Variants in CMSS1 observed in about 807,000 individuals in gnomAD.
The protein encoded by CMSS1 is cms1 ribosomal small subunit homolog.
In CMSS1, 33 loss-of-function variants were observed where a neutral mutation model predicts 43.5. The ratio of observed to expected loss-of-function variants is 0.76; its 90% CI spans 0.57 to 1.01. The LOEUF is 1.01. Ranked by LOEUF, CMSS1 falls within the 50% of genes least tolerant of loss-of-function variation. The pLI is 0.00. For missense variants in CMSS1, 313 were observed against 326.4 expected, an observed-to-expected ratio of 0.96 and a Z score of 0.32; for synonymous variants, 115 against 117.2, an observed-to-expected ratio of 0.98 and a Z score of 0.12.
At chr3:99,895,548 G>A (rs185358833) in intron 1 of CMSS1, among the ~76,000 whole-genome samples, 10 of 152,056 alleles carry the variant, frequency 6.6e-5, no homozygotes, top group Admixed American at 2.6e-4. Flanking sequence ...TATAGTTTAG[G>A]GAACTTAGTT....
chr3:100,172,009 T>C (rs1273616488), intron 7 of CMSS1, 110 bp downstream of exon 7: 1 of 838,548 alleles, frequency 1.2e-6, no homozygotes, highest in Non-Finnish European at 1.9e-6. Context: ...GTTCCTTCCT[T>C]ATGTAACATT....
At chr3:100,042,568 A>T (rs1472316238) in intron 1 of CMSS1, among the ~76,000 whole-genome samples, 3 of 152,356 alleles carry the variant, frequency 2.0e-5, no homozygotes, top group South Asian at 2.1e-4. Flanking sequence ...GGAAATTGGT[A>T]ATCCATGTAT....
At chr3:100,032,111 T>C (rs1050796480) in intron 1 of CMSS1, among the ~76,000 whole-genome samples, 3 of 152,150 alleles carry the variant, frequency 2.0e-5, no homozygotes, top group African/African-American at 7.2e-5. Context: ...CCCTGCCCTA[T>C]GGGAATAAAT....
rs573354912 is a variant in CMSS1 at position 100,150,217 on chromosome 3, G to A, written c.153+3156G>A. 2.6e-4 allele frequency among the ~76,000 whole-genome samples: 39 copies of A among 152,240 alleles called. No homozygotes were observed. In the South Asian group the frequency reaches 5.0e-3, roughly 19 times the overall value. Reference sequence around the variant, plus strand: ...TAGAACTTGAGTCTCCAGCTGGTTCGTAAGTCCCTTGGGGCCAGGGTTTCT... The same window carrying A: ...TAGAACTTGAGTCTCCAGCTGGTTCATAAGTCCCTTGGGGCCAGGGTTTCT... On this transcript the variant is annotated intron_variant, in intron 2 of 9. Transcript: ENST00000421999.
chr3:100,108,208 G>A (rs1027088278), intron 1 of CMSS1, among the ~76,000 whole-genome samples: 8 of 152,098 alleles, frequency 5.3e-5, no homozygotes, highest in African/African-American at 1.7e-4. Context: ...GTGTCTGTGT[G>A]CAATCTAACT....
chr3:99,897,030 C>G (rs1041023309), intron 1 of CMSS1, among the ~76,000 whole-genome samples: 6 of 151,426 alleles, frequency 4.0e-5, no homozygotes, highest in African/African-American at 1.5e-4. Flanking sequence ...ATTTTTTTTT[C>G]TTTCTTTGCA....
chr3:99,937,798 G>A (rs964204497), intron 1 of CMSS1, among the ~76,000 whole-genome samples: 11 of 152,178 alleles, frequency 7.2e-5, no homozygotes, highest in South Asian at 2.1e-4. Context: ...TTAGAAAAAG[G>A]GTACTGAGAA....
intron 1 of CMSS1, among the ~76,000 whole-genome samples, chr3:99,929,282 G>A (rs1425625036): frequency 6.6e-6 from 1 of 152,184 alleles, no homozygotes; most frequent in Non-Finnish European, 1.5e-5. Flanking sequence ...TGCTAGGTAC[G>A]CTTGGTGAGG....
At chr3:100,141,841 A>AATC (rs2066808113) in intron 1 of CMSS1, among the ~76,000 whole-genome samples, 1 of 152,158 alleles carries the variant, frequency 6.6e-6, no homozygotes, top group Non-Finnish European at 1.5e-5. Context: ...TAACTGGCTG[A>AATC]ATCAACCACT....
intron 1 of CMSS1, among the ~76,000 whole-genome samples, chr3:100,109,437 G>C (rs566949443): frequency 6.6e-6 from 1 of 152,270 alleles, no homozygotes; most frequent in African/African-American, 2.4e-5. Context: ...ACATAAAGCA[G>C]TTCCATCACC....
intron 2 of CMSS1, 104 bp downstream of exon 2, chr3:100,147,165 T>C (rs2066859624): frequency 1.6e-6 from 2 of 1,232,272 alleles, no homozygotes. Context: ...GTTGGTGGGA[T>C]TTAAGAGAGC....
At chr3:99,957,693 C>CTTTTTTTTTTTTTTTTTTTTTTTTTTT (rs779350496) in intron 1 of CMSS1, among the ~76,000 whole-genome samples, 572 of 19,894 alleles carry the variant, frequency 0.029, 198 homozygotes, top group Non-Finnish European at 0.044. Flanking sequence ...TTCTTTCTTT[C>CTTTTTTTTTTTTTTTTTTTTTTTTTTT]TTTTTTTTTT....
At chr3:100,135,739 A>G (rs1027994582) in intron 1 of CMSS1, among the ~76,000 whole-genome samples, 6 of 151,728 alleles carry the variant, frequency 4.0e-5, no homozygotes, top group Non-Finnish European at 7.3e-5. Context: ...GCTGACTTGC[A>G]GCTAGTGACA....
chr3:99,852,173 G>A (rs922043616), intron 1 of CMSS1, among the ~76,000 whole-genome samples: 34 of 152,122 alleles, frequency 2.2e-4, no homozygotes, highest in Non-Finnish European at 4.4e-5. Context: ...ATTATACTGC[G>A]AATGGGCTGA....
chr3:100,171,584 A>C (rs951438714), intron 6 of CMSS1, among the ~76,000 whole-genome samples: 1 of 152,238 alleles, frequency 6.6e-6, no homozygotes, highest in Non-Finnish European at 1.5e-5. Flanking sequence ...TTCAGTAATC[A>C]AGGAAGCCTA....
At chr3:99,960,905 C>T (rs1365166119) in intron 1 of CMSS1, among the ~76,000 whole-genome samples, 1 of 152,062 alleles carries the variant, frequency 6.6e-6, no homozygotes, top group African/African-American at 2.4e-5. Flanking sequence ...GTTTGGCAGA[C>T]CAACAAAGTG....
intron 1 of CMSS1, among the ~76,000 whole-genome samples, chr3:99,961,379 A>G (rs1311115810): frequency 6.6e-6 from 1 of 152,072 alleles, no homozygotes; most frequent in Non-Finnish European, 1.5e-5. Flanking sequence ...TTAAAATGTA[A>G]CCTTTGATCA....
At chr3:99,856,931 A>T (rs1264032105) in intron 1 of CMSS1, among the ~76,000 whole-genome samples, 4 of 152,194 alleles carry the variant, frequency 2.6e-5, no homozygotes, top group African/African-American at 9.7e-5. Flanking sequence ...AACTTATATT[A>T]TAATTCTTAC....
At chr3:99,982,846 CA>C (rs1394722861) in intron 1 of CMSS1, among the ~76,000 whole-genome samples, 2 of 152,084 alleles carry the variant, frequency 1.3e-5, no homozygotes, top group Non-Finnish European at 2.9e-5. Flanking sequence ...GTAATTTATG[CA>C]GCAATAAAAA....
Sources: allele counts gnomAD v4.1 joint callset (sites outside exome capture counted in the v4.1 genomes callset), GRCh38; gene constraint gnomAD v4.1.1; transcripts MANE v1.5; gene names NCBI Gene and HGNC (gene_info 2026-07-23, HGNC 2026-07-21).